Variants in TEX10 observed in about 807,000 individuals in gnomAD.
TEX10 encodes the protein testis-expressed protein 10.
TEX10 carries 24 observed loss-of-function variants against 104.4 expected under a neutral mutation model. The ratio of observed to expected loss-of-function variants is 0.23; its 90% CI spans 0.17 to 0.32. The LOEUF is 0.32. Among genes scored for constraint, TEX10 ranks in the 10% least tolerant of loss-of-function variants. The probability of loss-of-function intolerance (pLI) is 1.00; values close to 1 mark genes in which losing one functional copy is unlikely to be tolerated. For missense variants in TEX10, 921 were observed against 1,083.9 expected (o/e 0.85, Z 2.11); for synonymous variants, 396 against 393.4 (o/e 1.01, Z -0.08).
chr9:100,331,137 T>G (rs542383636), intron 5 of TEX10, among the ~76,000 whole-genome samples: 2 of 151,806 alleles, frequency 1.3e-5, no homozygotes, highest in Admixed American at 1.3e-4. Context: ...GGCACATGCC[T>G]GTAATCCCAG....
intron 1 of TEX10, chr9:100,352,402 C>G (rs1161970879): frequency 6.4e-7 from 1 of 1,551,760 alleles, no homozygotes; most frequent in African/African-American, 1.4e-5. Context: ...CTGCATCCAT[C>G]CCAGAGGCGA....
intron 13 of TEX10, chr9:100,304,130 T>C: frequency 2.2e-6 from 1 of 458,680 alleles, no homozygotes; most frequent in East Asian, 4.2e-5. Context: ...CATTCCATGC[T>C]CATGAATTGG....
intron 2 of TEX10, 37 bp from the exon 3 acceptor site, chr9:100,347,443 T>C (rs1157725480): frequency 2.0e-6 from 3 of 1,468,196 alleles, no homozygotes; most frequent in East Asian, 2.3e-5. Flanking sequence ...TGTATACTTA[T>C]ATACATGTAT....
At chr9:100,339,290 TAC>T (rs1554739448) in intron 5 of TEX10, among the ~76,000 whole-genome samples, 1 of 126,862 alleles carries the variant, frequency 7.9e-6, no homozygotes, top group Non-Finnish European at 1.6e-5. Context: ...TATATATATA[TAC>T]ATATATATAT....
At chr9:100,345,840 A>C (rs1835286900) in intron 4 of TEX10, among the ~76,000 whole-genome samples, 1 of 150,136 alleles carries the variant, frequency 6.7e-6, no homozygotes, top group Admixed American at 6.7e-5. Flanking sequence ...AACTAATGGA[A>C]CCAAGCATGA....
intron 11 of TEX10, among the ~76,000 whole-genome samples, chr9:100,319,774 C>CT (rs1834519271): frequency 6.6e-6 from 1 of 151,894 alleles, no homozygotes; most frequent in Non-Finnish European, 1.5e-5. Flanking sequence ...CCATTGCACT[C>CT]TAACCTGGGC....
intron 13 of TEX10, 70 bp downstream of exon 13, chr9:100,308,430 C>A: frequency 7.5e-7 from 1 of 1,334,564 alleles, no homozygotes; most frequent in Non-Finnish European, 1.0e-6. Flanking sequence ...CTTTAACTGT[C>A]TATTTTATTA....
intron 1 of TEX10, among the ~76,000 whole-genome samples, chr9:100,351,687 T>C (rs893304615): frequency 6.6e-6 from 1 of 152,224 alleles, no homozygotes; most frequent in African/African-American, 2.4e-5. Flanking sequence ...TCTATCGCTT[T>C]GTATTAGTCA....
At chr9:100,328,479 C>A (rs900972208) in intron 7 of TEX10, among the ~76,000 whole-genome samples, 1 of 152,130 alleles carries the variant, frequency 6.6e-6, no homozygotes, top group African/African-American at 2.4e-5. Flanking sequence ...TAATACTCAC[C>A]AATTTATTTA....
At chr9:100,305,696 A>C (rs897362834) in intron 13 of TEX10, 3 of 152,228 alleles carry the variant, frequency 2.0e-5, no homozygotes, top group Admixed American at 6.5e-5. Flanking sequence ...TCATATAAAG[A>C]TATCCAACAG....
Position 100,346,171 on chromosome 9 carries a change from A to G in TEX10, c.1038T>C (p.Asn346=). Reference sequence around the variant, plus strand: ...CCTGTAGAGGTTCTCGTTCTATACCATTCCCAACAGGAGTAGCTAGTTGTG... The same window carrying G: ...CCTGTAGAGGTTCTCGTTCTATACCGTTCCCAACAGGAGTAGCTAGTTGTG... ...VPPQLATPVG[N]GIEREPLQVM... The change falls in exon 4 of 15, where the codon AAT becomes AAC. Residue 346 remains asparagine, a synonymous_variant. Coordinates refer to ENST00000374902, the MANE Select transcript of TEX10 (RefSeq NM_017746.4). The G allele has an allele frequency of 1.2e-6, 2 of 1,614,056 alleles. No individual in the cohort carries two copies. The highest frequency in any genetic ancestry group is 8.5e-7 in the Non-Finnish European group (1 of 1,179,948).
intron 9 of TEX10, among the ~76,000 whole-genome samples, chr9:100,324,459 T>C (rs1328826911): frequency 6.6e-6 from 1 of 152,180 alleles, no homozygotes; most frequent in South Asian, 2.1e-4. Context: ...TATACCTACA[T>C]AGAGAGAAGT....
Position 100,344,014 on chromosome 9 carries a change from G to A in TEX10, c.1137+2058C>T, listed in dbSNP as rs1373056469. On this transcript the variant is annotated intron_variant, in intron 4 of 14. Coordinates refer to ENST00000374902, the MANE Select transcript of TEX10 (RefSeq NM_017746.4). ...AACAATCTATCATTTTGTATAGATT[G>A]TACCAATGATGTACATTTTTATACT... 7.2e-5 allele frequency among the ~76,000 whole-genome samples: 11 copies of A among 152,130 alleles called. No individual in the cohort carries two copies. The East Asian group carries it at 1.9e-3, about 27-fold the overall frequency.
chr9:100,326,733 A>G lies in TEX10; in HGVS notation c.1802-254T>C, dbSNP rs113591635. Reference sequence around the variant, plus strand: ...ATACAAGTGTCTTGTTAGAAATAAAAACTTTCAGGGGGGTAATAAGGAAAA... The same window carrying G: ...ATACAAGTGTCTTGTTAGAAATAAAGACTTTCAGGGGGGTAATAAGGAAAA... On this transcript the variant is annotated intron_variant, in intron 8 of 14. Coordinates refer to ENST00000374902, the MANE Select transcript of TEX10 (RefSeq NM_017746.4). Among the ~76,000 whole-genome samples the G allele has an allele frequency of 5.1e-3, 770 of 152,310 alleles. 8 individuals are homozygous for G. Among genetic ancestry groups the G allele is most frequent in the African/African-American group, 0.017 (725 of 41,574 alleles).
At chr9:100,330,270 C>A in intron 5 of TEX10, 101 bp from the exon 6 acceptor site, 1 of 937,652 alleles carries the variant, frequency 1.1e-6, no homozygotes. Flanking sequence ...AAAAAATTCC[C>A]TTCTAGAATT....
rs1388127044 is a variant in TEX10 at position 100,347,426 on chromosome 9, T to C, written c.181-20A>G. 6.5e-7 allele frequency: 1 copy of C among 1,528,392 alleles called. No homozygotes were observed. The highest frequency in any genetic ancestry group is 1.3e-5 in the South Asian group (1 of 76,594). The allele number at this position is 1,528,392 out of a possible 1,614,324, so 94.7% of individuals were successfully genotyped here. ...CAAATCCTATAAATAAAAATACAAA[T>C]TTTAGATGTATACTTATATACATGT... On this transcript the variant is annotated intron_variant, in intron 2 of 14. Transcript: ENST00000374902.
At chr9:100,342,999 A>T (rs936228624) in intron 4 of TEX10, among the ~76,000 whole-genome samples, 29 of 151,904 alleles carry the variant, frequency 1.9e-4, no homozygotes, top group Middle Eastern at 3.2e-3. Context: ...TACAAAAAAA[A>T]TTAGCTGGGC....
At chr9:100,344,512 CCGA>C (rs1303857632) in intron 4 of TEX10, among the ~76,000 whole-genome samples, 4 of 115,186 alleles carry the variant, frequency 3.5e-5, no homozygotes, top group South Asian at 8.4e-4. Flanking sequence ...TAATCAAACA[CCGA>C]AGAAGCTTGG....
intron 12 of TEX10, 100 bp from the exon 13 acceptor site, chr9:100,308,781 C>A: frequency 8.7e-7 from 1 of 1,153,798 alleles, no homozygotes; most frequent in African/African-American, 1.6e-5. Context: ...TACATTATTT[C>A]TACTGAAAAC....
Sources: gnomAD v4.1 joint callset for allele counts (sites outside exome capture counted in the v4.1 genomes callset) on GRCh38, gnomAD v4.1.1 for gene constraint, MANE v1.5 for transcripts, NCBI Gene and HGNC (gene_info 2026-07-23, HGNC 2026-07-21) for gene names.